Variants in SDCCAG8 observed in about 807,000 individuals in gnomAD.
SDCCAG8 encodes SHH signaling and ciliogenesis regulator SDCCAG8, also known as serologically defined colon cancer antigen 8.
A neutral mutation model predicts 101.8 loss-of-function variants in SDCCAG8; 74 were observed. The observed-to-expected ratio is 0.73, with a 90% CI of 0.60 to 0.88. The LOEUF (loss-of-function observed/expected upper bound fraction) is 0.88. SDCCAG8 is among the 40% of genes least tolerant of loss of function. The probability of loss-of-function intolerance (pLI) is 0.00; values close to 1 mark genes in which losing one functional copy is unlikely to be tolerated. For missense variants in SDCCAG8, 787 were observed against 822.6 expected, an observed-to-expected ratio of 0.96 and a Z score of 0.53; for synonymous variants, 281 against 292.9, an observed-to-expected ratio of 0.96 and a Z score of 0.41.
intron 5 of SDCCAG8, among the ~76,000 whole-genome samples, chr1:243,289,653 T>A (rs942753054): frequency 2.0e-5 from 3 of 152,218 alleles, no homozygotes; most frequent in Non-Finnish European, 4.4e-5. Flanking sequence ...AGCTGTTAAG[T>A]AACCTAAGTA....
chr1:243,448,727 T>G (rs1047032024), intron 16 of SDCCAG8, among the ~76,000 whole-genome samples: 23 of 112,614 alleles, frequency 2.0e-4, no homozygotes, highest in African/African-American at 7.8e-4. Flanking sequence ...ATTCTTTGAC[T>G]GTCCAACTTG....
At chr1:243,450,991 A>G (rs1019368354) in intron 16 of SDCCAG8, among the ~76,000 whole-genome samples, 1 of 152,260 alleles carries the variant, frequency 6.6e-6, no homozygotes, top group Non-Finnish European at 1.5e-5. Context: ...TCACTTGTTG[A>G]AAAAGAAGTG....
intron 16 of SDCCAG8, among the ~76,000 whole-genome samples, chr1:243,470,031 T>C (rs1660920973): frequency 6.6e-6 from 1 of 152,012 alleles, no homozygotes; most frequent in Non-Finnish European, 1.5e-5. Flanking sequence ...GTAGAATATT[T>C]GCTTTGTTTT....
At chr1:243,497,025 C>T (rs571939260) in intron 17 of SDCCAG8, among the ~76,000 whole-genome samples, 1 of 152,280 alleles carries the variant, frequency 6.6e-6, no homozygotes, top group Non-Finnish European at 1.5e-5. Flanking sequence ...AATGGAAGGG[C>T]AGAAGGACGG....
At position 243,307,401 on chromosome 1, in the gene SDCCAG8, A is replaced by C. The variant is rs1037230203; in HGVS notation, c.741-588A>C. 3.1e-6 allele frequency: 3 copies of C among 982,676 alleles called. No homozygotes were observed. The African/African-American group carries it at 5.3e-5, about 17-fold the overall frequency. 60.9% of individuals were successfully genotyped at this position (982,676 alleles called of 1,614,324 possible). A position where few individuals can be genotyped will look rare whatever the true frequency, so the allele number is the denominator to read the frequency against. ...TCCTTCTGTAACTTACTTTCTTTTG[A>C]AACAGATCTTTGTAGAAGTTTGTCG... On this transcript the variant is annotated intron_variant, in intron 7 of 17. Transcript: ENST00000366541.
rs1161460192 is a variant in SDCCAG8 at position 243,474,704 on chromosome 1, G to A, written c.1986-14310G>A. Among the ~76,000 whole-genome samples, 2 of 152,230 alleles carry A rather than the reference G, an allele frequency of 1.3e-5. No homozygotes were observed. The highest frequency in any genetic ancestry group is 2.9e-5 in the Non-Finnish European group (2 of 68,040). On this transcript the variant is annotated intron_variant, in intron 16 of 17. Coordinates refer to ENST00000366541, the MANE Select transcript of SDCCAG8 (RefSeq NM_006642.5). This position sits in a 1 kb window ranked among gnomAD's most constrained non-coding sequence, Gnocchi z 4.7. ...GCAGAGGCACAATTGCCCAGCGTGG[G>A]GTGGAAGGCAGGCTGGGAGCTCCCG... is the stretch of plus-strand genomic sequence containing the variant.
At chr1:243,266,776 C>CAAAAAAAAAAAAA (rs566670758) in intron 1 of SDCCAG8, among the ~76,000 whole-genome samples, 6 of 110,952 alleles carry the variant, frequency 5.4e-5, no homozygotes, top group East Asian at 2.7e-4. Flanking sequence ...ATTATAAATA[C>CAAAAAAAAAAAAA]AAAAAAAAAA....
intron 4 of SDCCAG8, among the ~76,000 whole-genome samples, chr1:243,285,106 C>G (rs1199413275): frequency 1.3e-5 from 2 of 152,192 alleles, no homozygotes; most frequent in African/African-American, 4.8e-5. Context: ...TGGTCTTGAA[C>G]CCCTGACCTC....
At chr1:243,372,477 GT>G (rs1376856786) in intron 12 of SDCCAG8, among the ~76,000 whole-genome samples, 1 of 151,934 alleles carries the variant, frequency 6.6e-6, no homozygotes, top group African/African-American at 2.4e-5. Flanking sequence ...GAATTAAGAT[GT>G]TATATAATTT....
chr1:243,313,732 C>A (rs1336994484), intron 8 of SDCCAG8, among the ~76,000 whole-genome samples: 1 of 152,196 alleles, frequency 6.6e-6, no homozygotes, highest in African/African-American at 2.4e-5. Context: ...CCACATGTGT[C>A]TGTACAGCTT....
Position 243,472,490 on chromosome 1 carries a change from C to A in SDCCAG8, c.1986-16524C>A, listed in dbSNP as rs182278553. Among the ~76,000 whole-genome samples, 50 of 152,146 alleles carry A rather than the reference C, an allele frequency of 3.3e-4. No individual in the cohort carries two copies. In the East Asian group the frequency reaches 9.3e-3, roughly 28 times the overall value. On this transcript the variant is annotated intron_variant, in intron 16 of 17. Transcript: ENST00000366541. ...TTCCTCCTTTCTCACAGGCAATGAC[C>A]CCAAAAACGGAAGCAAGTAAGAAAT... is the stretch of plus-strand genomic sequence containing the variant.
intron 9 of SDCCAG8, among the ~76,000 whole-genome samples, chr1:243,326,696 A>C (rs1199199542): frequency 1.3e-5 from 2 of 152,176 alleles, no homozygotes; most frequent in African/African-American, 4.8e-5. Context: ...TAAGCTTTAA[A>C]GTTTATGTTC....
intron 12 of SDCCAG8, among the ~76,000 whole-genome samples, chr1:243,369,505 TC>T: frequency 6.6e-6 from 1 of 152,282 alleles, no homozygotes; most frequent in Admixed American, 6.5e-5. Flanking sequence ...TACTATATGT[TC>T]CTATTGCAGT....
intron 12 of SDCCAG8, among the ~76,000 whole-genome samples, chr1:243,368,211 CAA>C (rs60270982): frequency 1.8e-3 from 251 of 142,474 alleles, no homozygotes; most frequent in Middle Eastern, 0.011. Flanking sequence ...GACCCTGTCT[CAA>C]AAAAAAAAAA....
At chr1:243,273,964 T>C (rs10803132) in intron 3 of SDCCAG8, among the ~76,000 whole-genome samples, 44,577 of 152,120 alleles carry the variant, frequency 0.29, 6,763 homozygotes, top group South Asian at 0.52. Context: ...ATTTATAGGA[T>C]AGAGAAGCAA....
intron 16 of SDCCAG8, among the ~76,000 whole-genome samples, chr1:243,470,490 T>G (rs1356986784): frequency 6.6e-6 from 1 of 151,730 alleles, no homozygotes; most frequent in African/African-American, 2.4e-5. Flanking sequence ...CCTTTTTTTT[T>G]TTTTCTTTTT....
At chr1:243,390,410 G>A (rs577358719) in intron 13 of SDCCAG8, among the ~76,000 whole-genome samples, 28 of 152,280 alleles carry the variant, frequency 1.8e-4, no homozygotes, top group African/African-American at 6.5e-4. Flanking sequence ...AAAAGAAAAG[G>A]CATTTCATTT....
At chr1:243,285,425 G>A (rs2069513195) in intron 4 of SDCCAG8, among the ~76,000 whole-genome samples, 2 of 152,126 alleles carry the variant, frequency 1.3e-5, no homozygotes, top group African/African-American at 4.8e-5. Flanking sequence ...TGGGAGTGAG[G>A]TGTTCCAAGC....
Position 243,308,296 on chromosome 1 carries a change from T to C in SDCCAG8, c.929+119T>C, listed in dbSNP as rs2072367624. Reference sequence around the variant, plus strand: ...CATGTGATTATTGTTAATCTTCAAATACAGTGGATTTTAAAAGGTTCCTTC... The same window carrying C: ...CATGTGATTATTGTTAATCTTCAAACACAGTGGATTTTAAAAGGTTCCTTC... On this transcript the variant is annotated intron_variant, in intron 8 of 17. Coordinates refer to ENST00000366541, the MANE Select transcript of SDCCAG8 (RefSeq NM_006642.5). 10 of 1,152,126 alleles carry C rather than the reference T, an allele frequency of 8.7e-6. No homozygotes were observed. The Admixed American group carries it at 1.7e-4, about 20-fold the overall frequency. 71.4% of individuals were successfully genotyped at this position (1,152,126 alleles called of 1,614,324 possible). A position where few individuals can be genotyped will look rare whatever the true frequency, so the allele number is the denominator to read the frequency against.
Sources: allele counts gnomAD v4.1 joint callset (sites outside exome capture counted in the v4.1 genomes callset), GRCh38; gene constraint gnomAD v4.1.1; non-coding constraint Gnocchi (gnomAD v3.1); transcripts MANE v1.5; gene names NCBI Gene and HGNC (gene_info 2026-07-23, HGNC 2026-07-21).